Variants in CERS6 observed in about 807,000 individuals in gnomAD.
The protein encoded by CERS6 is ceramide synthase 6.
A neutral mutation model predicts 56.8 loss-of-function variants in CERS6; 26 were observed. The ratio of observed to expected loss-of-function variants is 0.46; its 90% CI spans 0.34 to 0.63. CERS6 has a LOEUF of 0.63. CERS6 is among the 30% of genes least tolerant of loss of function. The probability of loss-of-function intolerance (pLI) is 0.01; values close to 1 mark genes in which losing one functional copy is unlikely to be tolerated. For missense variants in CERS6, 415 were observed against 467.5 expected (o/e 0.89, Z 1.04); for synonymous variants, 164 against 173.3 (o/e 0.95, Z 0.42).
chr2:168,695,679 C>G (rs1288772899), intron 6 of CERS6, among the ~76,000 whole-genome samples: 1 of 152,184 alleles, frequency 6.6e-6, no homozygotes, highest in Non-Finnish European at 1.5e-5. Context: ...ACTTTGCTGT[C>G]CTTGTCTTAA....
chr2:168,544,617 AG>A (rs1695430118), intron 1 of CERS6, among the ~76,000 whole-genome samples: 1 of 152,184 alleles, frequency 6.6e-6, no homozygotes, highest in African/African-American at 2.4e-5. Flanking sequence ...AGAGAAGGCC[AG>A]GTGTGGATGA....
chr2:168,686,141 A>G lies in CERS6; in HGVS notation c.466-4893A>G, dbSNP rs12477851. 1.0e-3 allele frequency among the ~76,000 whole-genome samples: 150 copies of G among 148,202 alleles called. 2 individuals are homozygous for G. Among genetic ancestry groups the G allele is most frequent in the Admixed American group, 9.0e-3 (132 of 14,636 alleles). On this transcript the variant is annotated intron_variant, in intron 4 of 9. Coordinates refer to ENST00000305747, the MANE Select transcript of CERS6 (RefSeq NM_203463.3). ...GTTCTGGAGGCTGGAAGTTGCAGAT[A>G]AGGTCTGGTAAGGATTGGCGTCTAG...
At chr2:168,768,926 A>C (rs1684795614) in intron 9 of CERS6, among the ~76,000 whole-genome samples, 1 of 150,584 alleles carries the variant, frequency 6.6e-6, no homozygotes, top group African/African-American at 2.5e-5. Flanking sequence ...AAAAAAAGAA[A>C]AGAAAAAAAA....
intron 4 of CERS6, among the ~76,000 whole-genome samples, chr2:168,684,500 A>G (rs891727255): frequency 6.6e-6 from 1 of 152,220 alleles, no homozygotes; most frequent in African/African-American, 2.4e-5. Flanking sequence ...TCTAATTAAA[A>G]TTGTAGATTA....
At chr2:168,568,588 A>G (rs891876925) in intron 3 of CERS6, among the ~76,000 whole-genome samples, 1 of 152,088 alleles carries the variant, frequency 6.6e-6, no homozygotes, top group Admixed American at 6.5e-5. Flanking sequence ...CGTATTTTAT[A>G]CAGGTGCCCA....
intron 1 of CERS6, among the ~76,000 whole-genome samples, chr2:168,523,504 G>C (rs879358328): frequency 6.6e-6 from 1 of 152,020 alleles, no homozygotes; most frequent in Non-Finnish European, 1.5e-5. Flanking sequence ...AGAGGTGGTC[G>C]TTGGGTGGAA....
intron 7 of CERS6, among the ~76,000 whole-genome samples, chr2:168,716,794 A>G (rs1427219513): frequency 1.3e-5 from 2 of 152,140 alleles, no homozygotes; most frequent in Non-Finnish European, 2.9e-5. Flanking sequence ...TTATAATCCT[A>G]ACTTCCACCC....
intron 8 of CERS6, among the ~76,000 whole-genome samples, chr2:168,755,249 T>C (rs1237219682): frequency 2.6e-5 from 4 of 152,340 alleles, no homozygotes; most frequent in African/African-American, 9.6e-5. Context: ...AACTTTACAG[T>C]TAATAATGAG....
intron 1 of CERS6, among the ~76,000 whole-genome samples, chr2:168,474,215 G>A (rs971046795): frequency 2.6e-5 from 4 of 152,180 alleles, no homozygotes; most frequent in Admixed American, 6.5e-5. Context: ...ACAGCATCCC[G>A]TTATGTGGGT....
intron 3 of CERS6, among the ~76,000 whole-genome samples, chr2:168,597,724 AAT>A (rs1441412412): frequency 1.3e-5 from 2 of 152,348 alleles, no homozygotes; most frequent in Admixed American, 6.5e-5. Context: ...TAATAACATT[AAT>A]ATGTTTATTT....
At chr2:168,461,076 G>A (rs1240970004) in intron 1 of CERS6, among the ~76,000 whole-genome samples, 1 of 152,100 alleles carries the variant, frequency 6.6e-6, no homozygotes, top group Non-Finnish European at 1.5e-5. Flanking sequence ...AACAGTGGGG[G>A]TATCAGGTGA....
At chr2:168,704,800 G>A (rs879359997) in intron 6 of CERS6, among the ~76,000 whole-genome samples, 13 of 152,138 alleles carry the variant, frequency 8.5e-5, no homozygotes, top group South Asian at 2.1e-4. Flanking sequence ...GCATTTCACC[G>A]TGTTAGCCAG....
Position 168,456,678 on chromosome 2 carries a change from T to TCGCGCGCTCTCTGG in CERS6, c.170+64_170+77dup. ...TGCGCACACACACGCGCGCACACACTCGCGCGCTCTCTGGCGCACGCCCCC... is the reference window on the plus strand; with the variant it reads ...TGCGCACACACACGCGCGCACACACTCGCGCGCTCTCTGGCGCGCGCTCTCTGGCGCACGCCCCC... On this transcript the variant is annotated intron_variant, in intron 1 of 9. Transcript: ENST00000305747. The surrounding 1 kb of genome is among the most constrained non-coding windows in gnomAD (Gnocchi z 4.1). 6.8e-7 allele frequency: 1 copy of TCGCGCGCTCTCTGG among 1,469,196 alleles called. No homozygotes were observed. 91.0% of individuals were successfully genotyped at this position (1,469,196 alleles called of 1,614,324 possible). A position where few individuals can be genotyped will look rare whatever the true frequency, so the allele number is the denominator to read the frequency against.
chr2:168,709,009 T>C (rs1030116914), intron 6 of CERS6, among the ~76,000 whole-genome samples: 5 of 152,154 alleles, frequency 3.3e-5, no homozygotes, highest in Admixed American at 3.3e-4. Context: ...AACAATATTA[T>C]TTCAGAGATT....
chr2:168,719,633 C>T (rs1246416174), intron 8 of CERS6, among the ~76,000 whole-genome samples: 1 of 152,136 alleles, frequency 6.6e-6, no homozygotes, highest in Non-Finnish European at 1.5e-5. Context: ...CATCATGAGT[C>T]ATCAGAATAT....
At chr2:168,713,338 T>A (rs1687141811) in intron 6 of CERS6, among the ~76,000 whole-genome samples, 1 of 152,192 alleles carries the variant, frequency 6.6e-6, no homozygotes, top group African/African-American at 2.4e-5. Flanking sequence ...CAAATAAATC[T>A]ACCCTAGATG....
intron 6 of CERS6, among the ~76,000 whole-genome samples, chr2:168,696,866 A>G (rs893695009): frequency 3.3e-5 from 5 of 152,194 alleles, no homozygotes; most frequent in Non-Finnish European, 7.3e-5. Flanking sequence ...CAAGCAAGAT[A>G]TGTTCGCCTT....
At chr2:168,633,239 G>A (rs1202297392) in intron 4 of CERS6, among the ~76,000 whole-genome samples, 1 of 151,240 alleles carries the variant, frequency 6.6e-6, no homozygotes, top group Non-Finnish European at 1.5e-5. Context: ...TAATTTGTGT[G>A]GGAATTTCTT....
chr2:168,525,945 T>C (rs1276205533), intron 1 of CERS6, among the ~76,000 whole-genome samples: 1 of 152,220 alleles, frequency 6.6e-6, no homozygotes, highest in Non-Finnish European at 1.5e-5. Flanking sequence ...TACTTGCACA[T>C]TTGGTTATTT....
Sources: gnomAD v4.1 joint callset for allele counts (sites outside exome capture counted in the v4.1 genomes callset) on GRCh38, gnomAD v4.1.1 for gene constraint, Gnocchi (gnomAD v3.1) non-coding constraint, MANE v1.5 for transcripts, NCBI Gene and HGNC (gene_info 2026-07-23, HGNC 2026-07-21) for gene names.